RACK1: variants seen among roughly 807,000 people sequenced by gnomAD.
The protein encoded by RACK1 is small ribosomal subunit protein RACK1.
In RACK1, 3 loss-of-function variants were observed where a neutral mutation model predicts 42.2. That is an observed-to-expected ratio of 0.07 (90% CI 0.03 to 0.18). The LOEUF is 0.18. Among genes scored for constraint, RACK1 ranks in the 10% least tolerant of loss-of-function variants. The pLI is 1.00. For missense variants in RACK1, 146 were observed against 403.2 expected, an observed-to-expected ratio of 0.36 and a Z score of 5.46; for synonymous variants, 181 against 154.8, an observed-to-expected ratio of 1.17 and a Z score of -1.25.
intron 1 of RACK1, 118 bp downstream of exon 1, chr5:181,243,566 AAGTCTGTC>A: frequency 7.1e-7 from 1 of 1,415,124 alleles, no homozygotes; most frequent in Admixed American, 2.1e-5. Flanking sequence ...TGGGGCAGAG[AAGTCTGTC>A]AGTCCCCGCC....
At position 181,243,841 on chromosome 5, in the gene RACK1, G is replaced by T. The variant is rs758531415; in HGVS notation, c.-41C>A. On this transcript the variant is annotated 5_prime_UTR_variant, in exon 1 of 8. Coordinates refer to ENST00000512805, the MANE Select transcript of RACK1 (RefSeq NM_006098.5). The stretch of plus-strand genomic sequence containing the variant: ...GTGTGTCGCTGCAGCGACGAGGATG[G>T]CACTGGATGGCTTAGAGAAACTAGC... 1.9e-6 allele frequency: 3 copies of T among 1,563,560 alleles called. No homozygotes were observed. The highest frequency in any genetic ancestry group is 3.6e-4 in the Middle Eastern group (2 of 5,538).
At chr5:181,238,898 C>T (rs1308075065) in intron 5 of RACK1, 169 bp downstream of exon 5, 6 of 699,288 alleles carry the variant, frequency 8.6e-6, no homozygotes, top group Non-Finnish European at 1.6e-5. Flanking sequence ...CCTTAACTGT[C>T]ATTTGCTGAA....
chr5:181,241,351 G>A (rs911521153), intron 3 of RACK1, 141 bp downstream of exon 3: 5 of 703,080 alleles, frequency 7.1e-6, no homozygotes, highest in African/African-American at 1.8e-5. Context: ...AATCCCTTGA[G>A]CCCGGGAGGC....
intron 1 of RACK1, 62 bp downstream of exon 1, chr5:181,243,630 C>T: frequency 6.5e-7 from 1 of 1,537,084 alleles, no homozygotes; most frequent in South Asian, 1.2e-5. Flanking sequence ...GAATTCCCTA[C>T]ACGACACGCG....
chr5:181,243,599 C>T, intron 1 of RACK1, 93 bp downstream of exon 1: 1 of 1,479,814 alleles, frequency 6.8e-7, no homozygotes, highest in Non-Finnish European at 9.1e-7. Flanking sequence ...CGCGCGCCAC[C>T]GGCCTGCCAC....
intron 1 of RACK1, 95 bp from the exon 2 acceptor site, chr5:181,242,440 TAAC>T (rs58171665): frequency 0.053 from 41,528 of 790,580 alleles, 3,179 homozygotes; most frequent in African/African-American, 0.3. Flanking sequence ...ATGAGTGGGT[TAAC>T]AACAACTAAG....
Position 181,236,930 on chromosome 5 carries a change from C to T in RACK1, c.*47G>A. 6.4e-7 allele frequency: 1 copy of T among 1,553,178 alleles called. No homozygotes were observed. The highest frequency in any genetic ancestry group is 8.6e-7 in the Non-Finnish European group (1 of 1,159,126). Reference sequence around the variant, plus strand: ...ATATAAGAAAAAAAAACCTAAAAGTCAGAAAAGCCAGTTTTTTTTTTATTT... The same window carrying T: ...ATATAAGAAAAAAAAACCTAAAAGTTAGAAAAGCCAGTTTTTTTTTTATTT... On this transcript the variant is annotated 3_prime_UTR_variant, in exon 8 of 8. Coordinates refer to ENST00000512805, the MANE Select transcript of RACK1 (RefSeq NM_006098.5).
intron 1 of RACK1, chr5:181,242,877 T>G: frequency 3.0e-6 from 1 of 328,536 alleles, no homozygotes; most frequent in Non-Finnish European, 5.9e-6. Flanking sequence ...GAGAACTTAA[T>G]TTAGGTGCCA....
chr5:181,243,265 G>C, intron 1 of RACK1: 4 of 1,353,196 alleles, frequency 3.0e-6, no homozygotes, highest in South Asian at 2.3e-5. Context: ...TGAGCCACGA[G>C]GTCCTCTGGA....
At chr5:181,239,280 C>A in intron 4 of RACK1, 103 bp from the exon 5 acceptor site, 1 of 823,792 alleles carries the variant, frequency 1.2e-6, no homozygotes, top group South Asian at 1.4e-5. Context: ...GTAGCCATTT[C>A]TCATTCAGTA....
intron 5 of RACK1, chr5:181,238,599 G>C: frequency 2.9e-6 from 1 of 343,544 alleles, no homozygotes. Context: ...GAGGTCAGGA[G>C]TTCAAGACCA....
At chr5:181,238,009 G>C in intron 6 of RACK1, 90 bp downstream of exon 6, 1 of 1,392,814 alleles carries the variant, frequency 7.2e-7, no homozygotes, top group East Asian at 2.3e-5. Context: ...TTAGCTCCCA[G>C]GTGGGAGTCA....
At chr5:181,238,910 G>A (rs757134470) in intron 5 of RACK1, 157 bp downstream of exon 5, 13 of 718,688 alleles carry the variant, frequency 1.8e-5, no homozygotes, top group South Asian at 1.7e-4. Context: ...TTTGCTGAAA[G>A]TAATCTTTGG....
chr5:181,238,994 TAG>T, intron 5 of RACK1, 71 bp downstream of exon 5: 1 of 948,384 alleles, frequency 1.1e-6, no homozygotes, highest in East Asian at 2.4e-5. Flanking sequence ...CATTTTACGT[TAG>T]AGACGCTGGC....
At chr5:181,243,229 A>AG (rs1392772294) in intron 1 of RACK1, 1 of 1,316,128 alleles carries the variant, frequency 7.6e-7, no homozygotes, top group African/African-American at 1.5e-5. Flanking sequence ...GGGGAGAACC[A>AG]GGGGCAGAAA....
rs576170505 is a variant in RACK1, at chr5:181,237,949, A to C, written c.777+150T>G. 1.0e-5 allele frequency: 8 copies of C among 798,916 alleles called. No homozygotes were observed. In the African/African-American group the frequency reaches 1.4e-4, roughly 14 times the overall value. 49.5% of individuals were successfully genotyped at this position (798,916 alleles called of 1,614,324 possible). Reference sequence around the variant, plus strand: ...CCTGGAATGTACAGGACTGCACACCACAACAGAGTTACTCAGACCAAAATG... The same window carrying C: ...CCTGGAATGTACAGGACTGCACACCCCAACAGAGTTACTCAGACCAAAATG... On this transcript the variant is annotated intron_variant, in intron 6 of 7. Coordinates refer to ENST00000512805, the MANE Select transcript of RACK1 (RefSeq NM_006098.5).
At chr5:181,241,331 G>A in intron 3 of RACK1, 161 bp downstream of exon 3, 1 of 635,482 alleles carries the variant, frequency 1.6e-6, no homozygotes, top group Non-Finnish European at 2.7e-6. Context: ...TCGGGAGACT[G>A]AGGCACCAGA....
intron 2 of RACK1, 23 bp downstream of exon 2, chr5:181,242,151 G>A (rs768257936): frequency 6.2e-7 from 1 of 1,601,416 alleles, no homozygotes; most frequent in Non-Finnish European, 8.5e-7. Context: ...CAAGGCCCCA[G>A]AGCTAAGTGA....
At chr5:181,242,645 C>T (rs547916389) in intron 1 of RACK1, 9 of 434,030 alleles carry the variant, frequency 2.1e-5, no homozygotes, top group African/African-American at 1.8e-4. Context: ...CCAAACTCCA[C>T]CTCCCGTGTT....
Sources: gnomAD v4.1 joint callset for allele counts on GRCh38, gnomAD v4.1.1 for gene constraint, MANE v1.5 for transcripts, NCBI Gene and HGNC (gene_info 2026-07-23, HGNC 2026-07-21) for gene names.